Variants in PIWIL2 observed in about 807,000 individuals in gnomAD.
The protein encoded by PIWIL2 is piwi like RNA-mediated gene silencing 2.
In PIWIL2, 81 loss-of-function variants were observed where a neutral mutation model predicts 116.5. That is an observed-to-expected ratio of 0.70 (90% confidence interval 0.58 to 0.84). The LOEUF is 0.84. PIWIL2 is among the 40% of genes least tolerant of loss of function. PIWIL2 has a pLI of 0.00. For synonymous variants in PIWIL2, 489 were observed against 429.5 expected (o/e 1.14, Z -1.71); for missense variants, 1,272 against 1,212.3 (o/e 1.05, Z -0.73).
In PIWIL2 at chr8:22,355,586, T is replaced by C. The variant is rs777006652; in HGVS notation, c.*81T>C. The C allele has an allele frequency of 1.6e-4, 199 of 1,255,184 alleles. No individual in the cohort carries two copies. Among genetic ancestry groups the C allele is most frequent in the Non-Finnish European group, 2.2e-4 (190 of 883,130 alleles). The allele number at this position is 1,255,184 out of a possible 1,614,324, so 77.8% of individuals were successfully genotyped here. ...TGACTCTTGCAGAATCAACAGAGAC[T>C]GAAGTGGGCTTTTGTGTTATAATTT... On this transcript the variant is annotated 3_prime_UTR_variant, in exon 23 of 23. Coordinates refer to ENST00000356766, the MANE Select transcript of PIWIL2 (RefSeq NM_018068.5).
At chr8:22,299,921 TA>T (rs1375509350) in intron 10 of PIWIL2, among the ~76,000 whole-genome samples, 2 of 152,110 alleles carry the variant, frequency 1.3e-5, no homozygotes, top group African/African-American at 4.8e-5. Flanking sequence ...TGTTCTTTTT[TA>T]TTGTATTTAT....
intron 2 of PIWIL2, among the ~76,000 whole-genome samples, chr8:22,280,372 A>G (rs1046809175): frequency 1.3e-5 from 2 of 152,232 alleles, no homozygotes; most frequent in African/African-American, 2.4e-5. Context: ...TAACGTGTAT[A>G]TGTTCTTAAA....
At position 22,322,065 on chromosome 8, in the gene PIWIL2, G is replaced by T. The variant is rs1831612001; in HGVS notation, c.2403+3790G>T. ...AACTTTTTATTTTGGAATAAAAGTT[G>T]CAAAATAGGTTAGAGGATAGAGTTC... On this transcript the variant is annotated intron_variant, in intron 20 of 22. Transcript: ENST00000356766. 3 of 801,004 alleles carry T rather than the reference G, an allele frequency of 3.7e-6. No individual in the cohort carries two copies. The South Asian group carries it at 1.7e-4, about 46-fold the overall frequency. 49.6% of individuals were successfully genotyped at this position (801,004 alleles called of 1,614,324 possible).
chr8:22,338,957 CAG>C (rs1229750742), intron 20 of PIWIL2, among the ~76,000 whole-genome samples: 1 of 152,114 alleles, frequency 6.6e-6, no homozygotes. Context: ...ATAAACAAGA[CAG>C]TGTGGTCAGT....
intron 10 of PIWIL2, among the ~76,000 whole-genome samples, chr8:22,300,810 T>C (rs1831028408): frequency 6.6e-6 from 1 of 152,206 alleles, no homozygotes; most frequent in Non-Finnish European, 1.5e-5. Flanking sequence ...TGGTGAGGTA[T>C]CTGTTCATAT....
At chr8:22,322,062 G>A in intron 20 of PIWIL2, 2 of 847,982 alleles carry the variant, frequency 2.4e-6, no homozygotes, top group South Asian at 5.4e-5. Context: ...TGGAATAAAA[G>A]TTGCAAAATA....
At position 22,288,694 on chromosome 8, in the gene PIWIL2, C is replaced by G. The variant is rs766246875; in HGVS notation, c.986+28C>G. 13 of 1,583,800 alleles carry G rather than the reference C, an allele frequency of 8.2e-6. No homozygotes were observed. The South Asian group carries it at 1.5e-4, about 18-fold the overall frequency. ...AAGAAAACAGCTGAAGTTCTATTGT[C>G]CTGTAACTTCAGTCTTGTATTTACA... On this transcript the variant is annotated intron_variant, in intron 8 of 22. Coordinates refer to ENST00000356766, the MANE Select transcript of PIWIL2 (RefSeq NM_018068.5).
intron 17 of PIWIL2, among the ~76,000 whole-genome samples, 162 bp from the exon 18 acceptor site, chr8:22,314,867 A>G (rs1164934895): frequency 1.3e-5 from 2 of 151,956 alleles, no homozygotes; most frequent in Admixed American, 6.6e-5. Context: ...GCCCATGTGC[A>G]TGCATGCCTA....
intron 20 of PIWIL2, among the ~76,000 whole-genome samples, chr8:22,325,146 A>G (rs1831693000): frequency 6.6e-6 from 1 of 152,222 alleles, no homozygotes; most frequent in African/African-American, 2.4e-5. Flanking sequence ...GAAAGAAAAA[A>G]GTATAGTTGT....
At chr8:22,315,219 C>T (rs930693413) in intron 18 of PIWIL2, 74 bp downstream of exon 18, 25 of 836,404 alleles carry the variant, frequency 3.0e-5, no homozygotes, top group East Asian at 9.8e-5. Flanking sequence ...TTTCCTTATT[C>T]GTTATGCTTC....
chr8:22,323,586 A>G (rs1268238330), intron 20 of PIWIL2, among the ~76,000 whole-genome samples: 1 of 152,158 alleles, frequency 6.6e-6, no homozygotes, highest in Non-Finnish European at 1.5e-5. Flanking sequence ...TTAATTTCCC[A>G]ACACAATTGA....
At chr8:22,327,823 C>G (rs897998214) in intron 20 of PIWIL2, among the ~76,000 whole-genome samples, 13 of 152,154 alleles carry the variant, frequency 8.5e-5, no homozygotes, top group African/African-American at 3.1e-4. Flanking sequence ...GTTGTTGAGT[C>G]GTAGGAGTTT....
At chr8:22,320,443 T>A (rs996251266) in intron 20 of PIWIL2, among the ~76,000 whole-genome samples, 2 of 151,208 alleles carry the variant, frequency 1.3e-5, no homozygotes, top group Non-Finnish European at 2.9e-5. Flanking sequence ...AATTTTTTTT[T>A]TTATTTTTAG....
intron 5 of PIWIL2, 76 bp from the exon 6 acceptor site, chr8:22,284,086 T>A: frequency 1.4e-6 from 1 of 689,790 alleles, no homozygotes; most frequent in Non-Finnish European, 2.4e-6. Flanking sequence ...TTCTTGTTGT[T>A]GGTTGTGTGG....
At chr8:22,277,385 A>G (rs1456236987) in intron 1 of PIWIL2, among the ~76,000 whole-genome samples, 1 of 152,180 alleles carries the variant, frequency 6.6e-6, no homozygotes, top group Non-Finnish European at 1.5e-5. Flanking sequence ...GAAGCCAGGG[A>G]GAGCCTCACC....
At chr8:22,320,250 T>C (rs1048331340) in intron 20 of PIWIL2, among the ~76,000 whole-genome samples, 2 of 144,824 alleles carry the variant, frequency 1.4e-5, no homozygotes, top group Non-Finnish European at 3.0e-5. Flanking sequence ...TGTGAGCTGC[T>C]GCGCCCGGCT....
intron 20 of PIWIL2, among the ~76,000 whole-genome samples, chr8:22,342,751 G>C (rs750143672): frequency 3.3e-5 from 5 of 152,112 alleles, no homozygotes; most frequent in Non-Finnish European, 7.4e-5. Flanking sequence ...AGGAAAAATT[G>C]ATAAATTTTT....
intron 10 of PIWIL2, among the ~76,000 whole-genome samples, chr8:22,299,272 G>A (rs1217700097): frequency 1.3e-5 from 2 of 150,948 alleles, no homozygotes; most frequent in Admixed American, 6.6e-5. Flanking sequence ...GTGCAATGGC[G>A]TGATCTTGGC....
intron 20 of PIWIL2, among the ~76,000 whole-genome samples, chr8:22,320,863 G>A (rs1327816065): frequency 2.0e-5 from 3 of 152,168 alleles, no homozygotes. Context: ...AAAGTGCTGG[G>A]ATTATAGGCG....
Sources: allele counts gnomAD v4.1 joint callset (sites outside exome capture counted in the v4.1 genomes callset), GRCh38; gene constraint gnomAD v4.1.1; transcripts MANE v1.5; gene names NCBI Gene and HGNC (gene_info 2026-07-23, HGNC 2026-07-21).